MIOS: variants seen among roughly 807,000 people sequenced by gnomAD.
The protein encoded by MIOS is meiosis regulator for oocyte development.
A neutral mutation model predicts 96.9 loss-of-function variants in MIOS; 52 were observed. That is an observed-to-expected ratio of 0.54 (90% confidence interval 0.43 to 0.68). The LOEUF (loss-of-function observed/expected upper bound fraction) is 0.68, where lower values mean the gene tolerates loss of function less well. MIOS is among the 30% of genes least tolerant of loss of function. The pLI is 0.00. For missense variants in MIOS, 1,005 were observed against 1,052.8 expected, an observed-to-expected ratio of 0.95 and a Z score of 0.63; for synonymous variants, 397 against 359.5, an observed-to-expected ratio of 1.10 and a Z score of -1.18.
At chr7:7,571,880 A>T (rs1301320966) in intron 3 of MIOS, among the ~76,000 whole-genome samples, 1 of 152,264 alleles carries the variant, frequency 6.6e-6, no homozygotes, top group Non-Finnish European at 1.5e-5. Context: ...CGATGACCAC[A>T]TATGGTTATT....
At position 7,566,970 on chromosome 7, in the gene MIOS, C is replaced by T. The variant is rs1783157968; in HGVS notation, c.-323C>T. 1 of 152,092 alleles carries T rather than the reference C, an allele frequency of 6.6e-6. No homozygotes were observed. Among genetic ancestry groups the T allele is most frequent in the African/African-American group, 2.4e-5 (1 of 41,444 alleles). 9.4% of individuals were successfully genotyped at this position (152,092 alleles called of 1,614,324 possible). ...CAGCCCAGTGGTCCAGGTCACGGGC[C>T]GCACGGCCGCGGCCGCCATCTTGCC... On this transcript the variant is annotated 5_prime_UTR_variant, in exon 1 of 13. Coordinates refer to ENST00000340080, the MANE Select transcript of MIOS (RefSeq NM_019005.4).
intron 5 of MIOS, among the ~76,000 whole-genome samples, chr7:7,577,635 C>G (rs1396739142): frequency 6.6e-6 from 1 of 152,120 alleles, no homozygotes; most frequent in Non-Finnish European, 1.5e-5. Context: ...GGATCCAGAG[C>G]ACAGGTTTCT....
Position 7,607,303 on chromosome 7 carries a change from A to G in MIOS, c.*211A>G, listed in dbSNP as rs1784559812. 6.7e-6 allele frequency: 3 copies of G among 445,956 alleles called. No homozygotes were observed. The highest frequency in any genetic ancestry group is 1.2e-5 in the Non-Finnish European group (3 of 253,116). 27.6% of individuals were successfully genotyped at this position (445,956 alleles called of 1,614,324 possible). A position where few individuals can be genotyped will look rare whatever the true frequency, so the allele number is the denominator to read the frequency against. ...CCAAAATAAACATCGAAGTATAGACATGAGTTCTGTTCAGCAGGTTGAAAA... is the reference window on the plus strand; with the variant it reads ...CCAAAATAAACATCGAAGTATAGACGTGAGTTCTGTTCAGCAGGTTGAAAA... On this transcript the variant is annotated 3_prime_UTR_variant, in exon 13 of 13. Transcript: ENST00000340080.
At chr7:7,588,157 A>G (rs939303244) in intron 7 of MIOS, among the ~76,000 whole-genome samples, 6 of 152,186 alleles carry the variant, frequency 3.9e-5, no homozygotes, top group African/African-American at 1.4e-4. Flanking sequence ...ATTAATTTCT[A>G]TGATGGAAAG....
chr7:7,602,947 C>A (rs1259613664), intron 11 of MIOS, among the ~76,000 whole-genome samples: 2 of 152,020 alleles, frequency 1.3e-5, no homozygotes, highest in African/African-American at 4.8e-5. Context: ...TTTGACAAAC[C>A]TGAGAAAAAC....
intron 3 of MIOS, among the ~76,000 whole-genome samples, chr7:7,571,166 A>G (rs1783338967): frequency 6.6e-6 from 1 of 152,186 alleles, no homozygotes; most frequent in South Asian, 2.1e-4. Flanking sequence ...GATTTTAAGT[A>G]TGTTCATTCT....
intron 10 of MIOS, among the ~76,000 whole-genome samples, chr7:7,595,496 A>G (rs1784178243): frequency 1.3e-5 from 2 of 152,186 alleles, no homozygotes; most frequent in Non-Finnish European, 2.9e-5. Flanking sequence ...CTTTAGCAGT[A>G]TTACCTATAT....
chr7:7,606,945 G>A (rs1359897623), intron 12 of MIOS, 51 bp from the exon 13 acceptor site: 4 of 1,291,900 alleles, frequency 3.1e-6, no homozygotes, highest in African/African-American at 3.0e-5. Flanking sequence ...ATAAATAAAT[G>A]TATGTCTGTC....
chr7:7,608,808 A>T lies in MIOS; in HGVS notation c.*1716A>T, dbSNP rs1583666602. ...AAATAGTTACAAGTTTTGGAAATACAGTATAAAACATGAATGTAAAGTCTA... is the reference window on the plus strand; with the variant it reads ...AAATAGTTACAAGTTTTGGAAATACTGTATAAAACATGAATGTAAAGTCTA... On this transcript the variant is annotated 3_prime_UTR_variant, in exon 13 of 13. Coordinates refer to ENST00000340080, the MANE Select transcript of MIOS (RefSeq NM_019005.4). 1 of 152,110 alleles carries T rather than the reference A, an allele frequency of 6.6e-6. No individual in the cohort carries two copies. Among genetic ancestry groups the T allele is most frequent in the Non-Finnish European group, 1.5e-5 (1 of 67,950 alleles). The allele number at this position is 152,110 out of a possible 1,614,324, so 9.4% of individuals were successfully genotyped here. A position where few individuals can be genotyped will look rare whatever the true frequency, so the allele number is the denominator to read the frequency against.
At chr7:7,584,746 A>G (rs1783832890) in intron 6 of MIOS, among the ~76,000 whole-genome samples, 1 of 152,192 alleles carries the variant, frequency 6.6e-6, no homozygotes, top group Admixed American at 6.5e-5. Context: ...TAAGTGTAGA[A>G]AATACTTAAA....
chr7:7,604,348 T>C (rs1191073501), intron 11 of MIOS, among the ~76,000 whole-genome samples: 1 of 152,206 alleles, frequency 6.6e-6, no homozygotes, highest in Admixed American at 6.6e-5. Flanking sequence ...TATAAGCTTA[T>C]TTAACTGAGA....
At chr7:7,571,196 T>C (rs1005592181) in intron 3 of MIOS, among the ~76,000 whole-genome samples, 18 of 152,212 alleles carry the variant, frequency 1.2e-4, no homozygotes, top group Admixed American at 1.2e-3. Flanking sequence ...TATTACCTTT[T>C]GCCAGCCTCT....
chr7:7,586,155 CGTGTGTGTGTGTGTGTGT>C (rs10527974), intron 7 of MIOS, among the ~76,000 whole-genome samples: 126 of 149,656 alleles, frequency 8.4e-4, no homozygotes, highest in Middle Eastern at 6.9e-3. Context: ...CACACATGCA[CGTGTGTGTGTGTGTGTGT>C]GTGTGTGTGT....
Position 7,589,552 on chromosome 7 carries a change from T to A in MIOS, c.2032T>A (p.Cys678Ser). The change falls in exon 9 of 13, where the codon TGT (cysteine) becomes AGT (serine). Residue 678 changes from cysteine to serine, a missense_variant. This residue lies in a region of MIOS where 865 missense variants were observed against 887.9 expected (regional missense o/e 0.97). Coordinates refer to ENST00000340080, the MANE Select transcript of MIOS (RefSeq NM_019005.4). ...TGGAGATGTTCAAACAGCAAGTTAC[T>A]GTATGTTACAGGTCAGTGCAGTTTG... Reference protein sequence around the residue: ...RTGDVQTASYCMLQGSPLDVL... With the variant: ...RTGDVQTASYSMLQGSPLDVL... The A allele has an allele frequency of 1.2e-6, 2 of 1,611,724 alleles. No individual in the cohort carries two copies. Among genetic ancestry groups the A allele is most frequent in the Non-Finnish European group, 1.7e-6 (2 of 1,178,532 alleles).
chr7:7,588,415 A>G (rs1295398313), intron 7 of MIOS, 83 bp from the exon 8 acceptor site: 1 of 692,476 alleles, frequency 1.4e-6, no homozygotes, highest in Non-Finnish European at 2.2e-6. Flanking sequence ...TATTCATTTT[A>G]TTTATATAAA....
chr7:7,578,306 C>T (rs1473855399), intron 5 of MIOS, among the ~76,000 whole-genome samples: 1 of 152,134 alleles, frequency 6.6e-6, no homozygotes, highest in African/African-American at 2.4e-5. Context: ...AGGTATAATT[C>T]CTTCCTTTTA....
At chr7:7,593,226 A>C (rs1189753131) in intron 9 of MIOS, among the ~76,000 whole-genome samples, 1 of 152,172 alleles carries the variant, frequency 6.6e-6, no homozygotes, top group Non-Finnish European at 1.5e-5. Flanking sequence ...ACTTGGTCAT[A>C]ATTAGGGCTA....
rs767260404 is a variant in MIOS at position 7,596,376 on chromosome 7, C to T, written c.2316C>T (p.Val772=). Residue 772 remains valine (V), a synonymous_variant, in exon 11 of 13, where the codon GTC becomes GTT. Coordinates refer to ENST00000340080, the MANE Select transcript of MIOS (RefSeq NM_019005.4). ...GTGGCTCACCAACGAAATCTAAAGT[C>T]ACAAGTTGTCCTGGCTGTCGAAAAC... ...GVSGSPTKSK[V]TSCPGCRKPL... is the part of the protein sequence containing the mutation. 61 of 1,614,008 alleles carry T rather than the reference C, an allele frequency of 3.8e-5. No homozygotes were observed. Among genetic ancestry groups the T allele is most frequent in the Non-Finnish European group, 5.9e-6 (7 of 1,180,036 alleles).
chr7:7,604,138 A>G (rs1784459096), intron 11 of MIOS, among the ~76,000 whole-genome samples: 1 of 152,152 alleles, frequency 6.6e-6, no homozygotes. Context: ...TGGGTGGAGC[A>G]CACCAACATG....
Sources: allele counts gnomAD v4.1 joint callset (sites outside exome capture counted in the v4.1 genomes callset), GRCh38; gene constraint gnomAD v4.1.1; regional missense constraint gnomAD v4.1.1; transcripts MANE v1.5; gene names NCBI Gene and HGNC (gene_info 2026-07-23, HGNC 2026-07-21).